LPA: variants seen among roughly 807,000 people sequenced by gnomAD.
LPA encodes the protein apolipoprotein(a).
LPA carries 199 observed loss-of-function variants against 197.9 expected under a neutral mutation model. That is an observed-to-expected ratio of 1.01 (90% CI 0.90 to 1.13). The LOEUF is 1.13. Ranked by LOEUF, LPA falls within the 50% of genes most tolerant of loss-of-function variation. The pLI is 0.00. For missense variants in LPA, 1,853 were observed against 1,785.8 expected (o/e 1.04, Z -0.68); for synonymous variants, 715 against 639.5 (o/e 1.12, Z -1.78).
intron 16 of LPA, among the ~76,000 whole-genome samples, chr6:160,610,231 T>C (rs1027517016): frequency 3.9e-5 from 6 of 152,130 alleles, no homozygotes; most frequent in Non-Finnish European, 7.3e-5. Flanking sequence ...CTGAGGCAAT[T>C]GACTTTGTTG....
intron 16 of LPA, 129 bp from the exon 17 acceptor site, chr6:160,606,787 T>C: frequency 2.8e-6 from 4 of 1,408,600 alleles, no homozygotes; most frequent in Non-Finnish European, 4.0e-6. Context: ...AAGTACCATA[T>C]GATTGCCACA....
At chr6:160,610,481 T>C (rs1779472429) in intron 16 of LPA, among the ~76,000 whole-genome samples, 1 of 152,190 alleles carries the variant, frequency 6.6e-6, no homozygotes, top group African/African-American at 2.4e-5. Context: ...CACAGAGTGC[T>C]ATGTGATCTC....
At chr6:160,556,909 AGT>A (rs1778274299) in intron 29 of LPA, among the ~76,000 whole-genome samples, 1 of 152,152 alleles carries the variant, frequency 6.6e-6, no homozygotes, top group African/African-American at 2.4e-5. Flanking sequence ...CCAGAGAAAT[AGT>A]GTATTCTGTG....
At chr6:160,588,682 C>G (rs1019790466) in intron 24 of LPA, among the ~76,000 whole-genome samples, 2 of 152,148 alleles carry the variant, frequency 1.3e-5, no homozygotes, top group Non-Finnish European at 2.9e-5. Flanking sequence ...TCTTAGCCAG[C>G]CTAGAACACA....
chr6:160,593,415 A>G (rs1486973058), intron 22 of LPA, among the ~76,000 whole-genome samples: 4 of 152,090 alleles, frequency 2.6e-5, no homozygotes, highest in African/African-American at 9.7e-5. Context: ...GAATCTTTAT[A>G]CTTCCTGACT....
intron 29 of LPA, among the ~76,000 whole-genome samples, chr6:160,556,810 C>T (rs972086329): frequency 2.0e-5 from 3 of 152,136 alleles, no homozygotes; most frequent in Admixed American, 2.0e-4. Context: ...ACCAAAGATG[C>T]ACGTTCCATG....
rs1333221641 is a variant in LPA, at chr6:160,576,538, TCA to T, written c.4631+596_4631+597del. Among the ~76,000 whole-genome samples the T allele has an allele frequency of 4.1e-5, 6 of 144,650 alleles. No homozygotes were observed. In the Admixed American group the frequency reaches 4.2e-4, roughly 10 times the overall value. 94.9% of individuals were successfully genotyped at this position (144,650 alleles called of 152,430 possible). A position where few individuals can be genotyped will look rare whatever the true frequency, so the allele number is the denominator to read the frequency against. Reference sequence around the variant, plus strand: ...GTTATATTAAAATATATAAAAATACTCAGACATACATAGTGAAACAATATAAT... The same window carrying T: ...GTTATATTAAAATATATAAAAATACTGACATACATAGTGAAACAATATAAT... On this transcript the variant is annotated intron_variant, in intron 28 of 38. Transcript: ENST00000316300.
At chr6:160,546,395 C>G (rs1778071878) in intron 32 of LPA, among the ~76,000 whole-genome samples, 1 of 152,148 alleles carries the variant, frequency 6.6e-6, no homozygotes, top group South Asian at 2.1e-4. Context: ...GAGCCCCTTC[C>G]CACGTGCCTT....
chr6:160,660,799 C>T (rs1475528179), intron 1 of LPA, among the ~76,000 whole-genome samples: 1 of 152,130 alleles, frequency 6.6e-6, no homozygotes, highest in Admixed American at 6.5e-5. Flanking sequence ...GAAGCTCCTC[C>T]ACAAAGAAGG....
At chr6:160,598,701 C>G (rs1779177842) in intron 20 of LPA, among the ~76,000 whole-genome samples, 1 of 152,200 alleles carries the variant, frequency 6.6e-6, no homozygotes, top group African/African-American at 2.4e-5. Context: ...TGTTCTTCTC[C>G]TCTGGGCAGA....
chr6:160,648,907 T>C (rs569514936), intron 2 of LPA, among the ~76,000 whole-genome samples: 7 of 152,190 alleles, frequency 4.6e-5, no homozygotes, highest in Non-Finnish European at 1.0e-4. Flanking sequence ...CTGTTTGTAT[T>C]GGCTGATTTT....
intron 27 of LPA, among the ~76,000 whole-genome samples, chr6:160,578,309 T>C (rs555525562): frequency 2.6e-5 from 4 of 152,078 alleles, no homozygotes; most frequent in South Asian, 4.2e-4. Context: ...GTCTGTGCCC[T>C]TCCTAAAGAC....
chr6:160,589,680 A>G lies in LPA; in HGVS notation c.3820T>C (p.Cys1274Arg), dbSNP rs375211514. 5 of 1,613,844 alleles carry G rather than the reference A, an allele frequency of 3.1e-6. No individual in the cohort carries two copies. The South Asian group carries it at 5.5e-5, about 18-fold the overall frequency. Residue 1274 changes from cysteine (C) to arginine (R), a missense_variant, in exon 24 of 39, where the codon TGC (cysteine) becomes CGC (arginine). This residue lies in a region of LPA where 1,737 missense variants were observed against 1,504.4 expected (regional missense o/e 1.15). Coordinates refer to ENST00000316300, the MANE Select transcript of LPA (RefSeq NM_005577.4). ...TAACTCTGTCCATCACCATGGTAGC[A>G]GTCCTGGACTGTGGGGCTTTGCTCC... ...PTEQSPTVQDCYHGDGQSYRG... is the reference protein window; with the variant it reads ...PTEQSPTVQDRYHGDGQSYRG...
chr6:160,641,064 TA>T (rs1230938600), intron 4 of LPA, among the ~76,000 whole-genome samples: 1 of 139,496 alleles, frequency 7.2e-6, no homozygotes, highest in African/African-American at 2.9e-5. Flanking sequence ...TTTTTTTAAA[TA>T]AAAAATCTAA....
At chr6:160,609,080 T>G (rs975601399) in intron 16 of LPA, among the ~76,000 whole-genome samples, 8 of 152,116 alleles carry the variant, frequency 5.3e-5, no homozygotes, top group Admixed American at 2.0e-4. Flanking sequence ...TTATTACATA[T>G]TCATCTTTTT....
At chr6:160,551,209 G>C (rs1293286798) in intron 30 of LPA, among the ~76,000 whole-genome samples, 1 of 152,208 alleles carries the variant, frequency 6.6e-6, no homozygotes, top group African/African-American at 2.4e-5. Flanking sequence ...ATCAGTTACT[G>C]TGGTGTCTTC....
rs183069575 is a variant in LPA, at chr6:160,566,648, C to A, written c.4632-9077G>T. Among the ~76,000 whole-genome samples the A allele has an allele frequency of 2.9e-3, 448 of 152,248 alleles. 1 individual carries two copies. Among genetic ancestry groups the A allele is most frequent in the African/African-American group, 0.01 (430 of 41,550 alleles). ...TCAAATTCACACATAAAAATATTAACCTTAAATGTAAATGGGCTAAATGCT... is the reference window on the plus strand; with the variant it reads ...TCAAATTCACACATAAAAATATTAAACTTAAATGTAAATGGGCTAAATGCT... On this transcript the variant is annotated intron_variant, in intron 28 of 38. Transcript: ENST00000316300.
intron 26 of LPA, among the ~76,000 whole-genome samples, chr6:160,583,842 C>T (rs1239104554): frequency 6.6e-6 from 1 of 152,180 alleles, no homozygotes; most frequent in East Asian, 1.9e-4. Context: ...GCCCTTAAGT[C>T]TAGGAAGGGT....
intron 2 of LPA, 114 bp downstream of exon 2, chr6:160,650,224 A>T: frequency 2.0e-6 from 2 of 976,186 alleles, no homozygotes; most frequent in Admixed American, 3.4e-5. Flanking sequence ...ACATTTTGCC[A>T]TGCATTCTAT....
Sources: allele counts gnomAD v4.1 joint callset (sites outside exome capture counted in the v4.1 genomes callset), GRCh38; gene constraint gnomAD v4.1.1; regional missense constraint gnomAD v4.1.1; transcripts MANE v1.5; gene names NCBI Gene and HGNC (gene_info 2026-07-23, HGNC 2026-07-21).